NXPE2: variants seen among roughly 807,000 people sequenced by gnomAD.
NXPE2 encodes neurexophilin and PC-esterase domain family member 2, also known as NXPE family member 2.
NXPE2 carries 34 observed loss-of-function variants against 34.4 expected under a neutral mutation model. The ratio of observed to expected loss-of-function variants is 0.99; its 90% CI spans 0.75 to 1.31. The LOEUF is 1.31. Among genes scored for constraint, NXPE2 ranks in the 40% most tolerant of loss-of-function variants. The pLI is 0.00. For synonymous variants in NXPE2, 235 were observed against 231.3 expected, an observed-to-expected ratio of 1.02 and a Z score of -0.15; for missense variants, 649 against 672.5, an observed-to-expected ratio of 0.97 and a Z score of 0.39.
At chr11:114,495,412 C>T in the NXPE2 span, among the ~76,000 whole-genome samples, 1 of 151,708 alleles carries the variant, frequency 6.6e-6, no homozygotes, top group African/African-American at 2.4e-5. Flanking sequence ...TGGACCCAAA[C>T]CACAAGACAA....
chr11:114,774,088 C>T, the NXPE2 span, among the ~76,000 whole-genome samples: 2 of 152,292 alleles, frequency 1.3e-5, no homozygotes, highest in South Asian at 4.1e-4. Flanking sequence ...CTGATCAAAA[C>T]GTGAAGCTCA....
chr11:114,706,694 G>C lies in NXPE2; in HGVS notation c.1444G>C (p.Glu482Gln), dbSNP rs773298192. The C allele has an allele frequency of 6.4e-7, 1 of 1,552,160 alleles. No homozygotes were observed. The highest frequency in any genetic ancestry group is 8.7e-7 in the Non-Finnish European group (1 of 1,147,068). Residue 482 changes from glutamate to glutamine, a missense_variant, in exon 6 of 6, where the codon GAG (glutamate) becomes CAG (glutamine). Coordinates refer to ENST00000389586, the MANE Select transcript of NXPE2 (RefSeq NM_182495.6). ...AIERLFLRSP[E>Q]TKVILKTENT... ...TGAACGTCTATTCTTGCGAAGCCCG[G>C]AGACCAAGGTGATACTTAAAACTGA... is the stretch of plus-strand genomic sequence containing the variant.
the NXPE2 span, among the ~76,000 whole-genome samples, chr11:114,501,600 A>T: frequency 5.3e-5 from 8 of 152,308 alleles, no homozygotes; most frequent in African/African-American, 1.4e-4. Flanking sequence ...AAATATAGTG[A>T]CTTAAAAATT....
At chr11:114,504,299 G>T in the NXPE2 span, among the ~76,000 whole-genome samples, 1 of 152,006 alleles carries the variant, frequency 6.6e-6, no homozygotes, top group Admixed American at 6.6e-5. Flanking sequence ...TGAAAACAGG[G>T]GATCCTCCTA....
In NXPE2 at chr11:114,706,974, C is replaced by G. The variant is rs768521483; in HGVS notation, c.*44C>G. 1.4e-6 allele frequency: 2 copies of G among 1,414,230 alleles called. No individual in the cohort carries two copies. Among genetic ancestry groups the G allele is most frequent in the Non-Finnish European group, 1.9e-6 (2 of 1,052,496 alleles). 87.6% of individuals were successfully genotyped at this position (1,414,230 alleles called of 1,614,324 possible). On this transcript the variant is annotated 3_prime_UTR_variant, in exon 6 of 6. Coordinates refer to ENST00000389586, the MANE Select transcript of NXPE2 (RefSeq NM_182495.6). ...GCACTAGCCACTTTCTATAGATGATCTCACATATACAGCGAAGATAGTTTA... is the reference window on the plus strand; with the variant it reads ...GCACTAGCCACTTTCTATAGATGATGTCACATATACAGCGAAGATAGTTTA...
At chr11:114,755,035 C>T in the NXPE2 span, among the ~76,000 whole-genome samples, 1 of 152,082 alleles carries the variant, frequency 6.6e-6, no homozygotes, top group Non-Finnish European at 1.5e-5. Context: ...ATGTGGAGGT[C>T]ATTGATGTTT....
At chr11:114,779,444 A>G in the NXPE2 span, among the ~76,000 whole-genome samples, 5 of 152,082 alleles carry the variant, frequency 3.3e-5, no homozygotes, top group African/African-American at 9.7e-5. Flanking sequence ...GGAGGCCGAA[A>G]TGGGAATGGG....
At chr11:114,704,391 T>A (rs1047693716) in intron 4 of NXPE2, among the ~76,000 whole-genome samples, 1 of 152,212 alleles carries the variant, frequency 6.6e-6, no homozygotes. Flanking sequence ...ATGTCTCAGA[T>A]GAGCTGCACA....
chr11:114,751,679 C>G, the NXPE2 span, among the ~76,000 whole-genome samples: 3 of 152,120 alleles, frequency 2.0e-5, no homozygotes, highest in Non-Finnish European at 2.9e-5. Flanking sequence ...TAATGACCCC[C>G]CAAAATGTCC....
At position 114,706,926 on chromosome 11, in the gene NXPE2, G is replaced by T. The variant is rs1022286444; in HGVS notation, c.1676G>T (p.Cys559Phe). Reference protein sequence around the residue: ...NQIGMFLNYIC With the variant: ...NQIGMFLNYIF ...ATTGGCATGTTCTTAAACTACATTT[G>T]TTAGAGGAAAAATACAAAAATAGCA... The change falls in exon 6 of 6, where the codon TGT becomes TTT. Residue 559 changes from cysteine to phenylalanine, a missense_variant. Transcript: ENST00000389586. 1 of 1,539,916 alleles carries T rather than the reference G, an allele frequency of 6.5e-7. No individual in the cohort carries two copies. The highest frequency in any genetic ancestry group is 2.4e-5 in the East Asian group (1 of 40,868).
At chr11:114,652,228 T>A in the NXPE2 span, among the ~76,000 whole-genome samples, 6 of 152,136 alleles carry the variant, frequency 3.9e-5, no homozygotes, top group Non-Finnish European at 8.8e-5. Context: ...AGTTAGCAGG[T>A]GAATTTGGTG....
At chr11:114,672,719 C>G in the NXPE2 span, among the ~76,000 whole-genome samples, 1 of 151,682 alleles carries the variant, frequency 6.6e-6, no homozygotes, top group Non-Finnish European at 1.5e-5. Flanking sequence ...TAATGAGGAA[C>G]GTTTTCTAAT....
At chr11:114,650,651 G>C in the NXPE2 span, among the ~76,000 whole-genome samples, 5 of 152,070 alleles carry the variant, frequency 3.3e-5, no homozygotes, top group Admixed American at 6.6e-5. Flanking sequence ...AGCTGTCTTG[G>C]ACCCAGGATA....
the NXPE2 span, among the ~76,000 whole-genome samples, chr11:114,520,062 A>G: frequency 6.6e-6 from 1 of 152,044 alleles, no homozygotes; most frequent in Non-Finnish European, 1.5e-5. Flanking sequence ...TAGGCCTCCC[A>G]AAGTGCTGGC....
chr11:114,522,367 A>T, the NXPE2 span: 11 of 1,614,122 alleles, frequency 6.8e-6, no homozygotes, highest in South Asian at 1.1e-5. Context: ...TATAATCATG[A>T]TCTATCAGAG....
At chr11:114,623,875 C>T in the NXPE2 span, among the ~76,000 whole-genome samples, 67 of 152,020 alleles carry the variant, frequency 4.4e-4, no homozygotes, top group South Asian at 0.013. Flanking sequence ...CAACTGTTAC[C>T]CAGGGGATAG....
At chr11:114,474,585 G>C in the NXPE2 span, among the ~76,000 whole-genome samples, 1 of 152,170 alleles carries the variant, frequency 6.6e-6, no homozygotes, top group Non-Finnish European at 1.5e-5. Flanking sequence ...ACTTTGATGA[G>C]AGCAGTTCTG....
the NXPE2 span, among the ~76,000 whole-genome samples, chr11:114,727,774 A>AACACACACAAACACACACAC: frequency 0.013 from 1,652 of 127,548 alleles, 18 homozygotes; most frequent in Middle Eastern, 0.028. Context: ...ATGTGTACAC[A>AACACACACAAACACACACAC]ACACACACAC....
the NXPE2 span, among the ~76,000 whole-genome samples, chr11:114,511,669 A>T: frequency 1.3e-5 from 2 of 152,212 alleles, no homozygotes; most frequent in African/African-American, 2.4e-5. Context: ...TTGAAATGTG[A>T]TCCCCAATGT....
Sources: gnomAD v4.1 joint callset for allele counts (sites outside exome capture counted in the v4.1 genomes callset) on GRCh38, gnomAD v4.1.1 for gene constraint, MANE v1.5 for transcripts, NCBI Gene and HGNC (gene_info 2026-07-23, HGNC 2026-07-21) for gene names.